The following CWC27 variants were observed in gnomAD, a reference collection of about 807,000 sequenced individuals.
The protein encoded by CWC27 is spliceosome-associated protein CWC27 homolog.
A neutral mutation model predicts 63.6 loss-of-function variants in CWC27; 47 were observed. That is an observed-to-expected ratio of 0.74 (90% CI 0.58 to 0.94). CWC27 has a LOEUF of 0.94. Among genes scored for constraint, CWC27 ranks in the 40% least tolerant of loss-of-function variants. CWC27 has a pLI of 0.00. For missense variants in CWC27, 495 were observed against 554.3 expected, an observed-to-expected ratio of 0.89 and a Z score of 1.07; for synonymous variants, 175 against 179.8, an observed-to-expected ratio of 0.97 and a Z score of 0.22.
intron 10 of CWC27, among the ~76,000 whole-genome samples, chr5:64,853,615 A>G (rs1469336992): frequency 6.6e-6 from 1 of 152,192 alleles, no homozygotes; most frequent in Non-Finnish European, 1.5e-5. Context: ...TGATATCAAC[A>G]TCTGCTTGGC....
chr5:64,997,393 C>A (rs1329767660), intron 13 of CWC27, among the ~76,000 whole-genome samples: 1 of 152,230 alleles, frequency 6.6e-6, no homozygotes, highest in Admixed American at 6.5e-5. Flanking sequence ...AGTATGGTGT[C>A]TGGAACAATC....
rs1449254450 is a variant in CWC27, at chr5:64,864,219, TG to T, written c.939-21223del. 5.4e-4 allele frequency among the ~76,000 whole-genome samples: 82 copies of T among 152,342 alleles called. 1 individual carries two copies. Among genetic ancestry groups the T allele is most frequent in the African/African-American group, 1.9e-3 (80 of 41,580 alleles). On this transcript the variant is annotated intron_variant, in intron 10 of 13. Coordinates refer to ENST00000381070, the MANE Select transcript of CWC27 (RefSeq NM_005869.4). The stretch of plus-strand genomic sequence containing the variant: ...CTCGTGGATTTTTATATTTTCAATA[TG>T]ATTACATAAATGATAGCCATTATTC...
At chr5:64,935,228 G>A (rs1333256371) in intron 11 of CWC27, among the ~76,000 whole-genome samples, 1 of 152,120 alleles carries the variant, frequency 6.6e-6, no homozygotes, top group Non-Finnish European at 1.5e-5. Flanking sequence ...AGGGTTTTAT[G>A]GTCCTAGGTT....
At chr5:64,814,363 A>G (rs938378175) in intron 10 of CWC27, among the ~76,000 whole-genome samples, 6 of 151,898 alleles carry the variant, frequency 4.0e-5, no homozygotes, top group African/African-American at 1.5e-4. Flanking sequence ...TGAAAACAAT[A>G]CCTAACCTAT....
At chr5:64,839,352 G>A (rs908661659) in intron 10 of CWC27, among the ~76,000 whole-genome samples, 6 of 152,182 alleles carry the variant, frequency 3.9e-5, no homozygotes, top group African/African-American at 1.4e-4. Context: ...GTATACAGAA[G>A]TATGTAATGG....
intron 11 of CWC27, among the ~76,000 whole-genome samples, chr5:64,890,266 G>A (rs1450652653): frequency 1.3e-5 from 2 of 152,134 alleles, no homozygotes; most frequent in African/African-American, 4.8e-5. Context: ...CTCTCAAGTT[G>A]CACTGGGTTA....
chr5:64,815,775 A>G (rs949952894), intron 10 of CWC27, among the ~76,000 whole-genome samples: 3 of 152,198 alleles, frequency 2.0e-5, no homozygotes, highest in African/African-American at 2.4e-5. Flanking sequence ...ATCAGTCTTT[A>G]CACCCAAGGG....
chr5:64,947,864 T>C (rs1748620065), intron 11 of CWC27, among the ~76,000 whole-genome samples: 1 of 152,060 alleles, frequency 6.6e-6, no homozygotes, highest in Admixed American at 6.6e-5. Context: ...ATTTTGGGCA[T>C]TATCAGTCAA....
rs371696896 is a variant in CWC27 at position 64,896,086 on chromosome 5, T to C, written c.1042+10540T>C. Among the ~76,000 whole-genome samples the C allele has an allele frequency of 1.0e-3, 153 of 152,334 alleles. 1 individual carries two copies. Among genetic ancestry groups the C allele is most frequent in the African/African-American group, 3.5e-3 (147 of 41,594 alleles). On this transcript the variant is annotated intron_variant, in intron 11 of 13. Coordinates refer to ENST00000381070, the MANE Select transcript of CWC27 (RefSeq NM_005869.4). ...AATAAATTCAGTCCTAGATGCATTATGATAATACATCAGAGCATTCAACAC... is the reference window on the plus strand; with the variant it reads ...AATAAATTCAGTCCTAGATGCATTACGATAATACATCAGAGCATTCAACAC...
Position 64,810,180 on chromosome 5 carries a change from C to T in CWC27, c.938+5794C>T, listed in dbSNP as rs530418395. Among the ~76,000 whole-genome samples the T allele has an allele frequency of 5.5e-4, 84 of 152,170 alleles. 2 individuals are homozygous for T. The highest frequency in any genetic ancestry group is 9.4e-4 in the Non-Finnish European group (64 of 67,996). On this transcript the variant is annotated intron_variant, in intron 10 of 13. Transcript: ENST00000381070. The stretch of plus-strand genomic sequence containing the variant: ...CTTTATATATTGTGTGTTCTTGACA[C>T]CTTTGTTGAAAATCAATTGACTGTA...
At chr5:65,004,909 T>TATAC (rs1402275240) in intron 13 of CWC27, among the ~76,000 whole-genome samples, 18 of 65,066 alleles carry the variant, frequency 2.8e-4, no homozygotes, top group South Asian at 1.9e-3. Flanking sequence ...TATATATACA[T>TATAC]ACACACACAC....
intron 11 of CWC27, among the ~76,000 whole-genome samples, chr5:64,930,081 C>T (rs1174778994): frequency 1.3e-5 from 2 of 152,062 alleles, no homozygotes; most frequent in African/African-American, 4.8e-5. Context: ...AGCTTAAAAA[C>T]ATTACTCTAC....
At chr5:64,873,094 A>G (rs192987575) in intron 10 of CWC27, among the ~76,000 whole-genome samples, 10 of 152,350 alleles carry the variant, frequency 6.6e-5, no homozygotes, top group Admixed American at 1.3e-4. Flanking sequence ...AAGAAAATAG[A>G]AACCCAAAAT....
At chr5:65,009,316 C>T (rs1749904364) in intron 13 of CWC27, among the ~76,000 whole-genome samples, 2 of 152,166 alleles carry the variant, frequency 1.3e-5, no homozygotes, top group Admixed American at 1.3e-4. Flanking sequence ...TCTCACCAGG[C>T]CCCACTTCCA....
intron 11 of CWC27, among the ~76,000 whole-genome samples, chr5:64,926,960 TA>T: frequency 6.6e-6 from 1 of 152,364 alleles, no homozygotes; most frequent in South Asian, 2.1e-4. Flanking sequence ...TAGAATTCTT[TA>T]AATAGTTATT....
At chr5:64,794,733 A>G (rs1744203134) in intron 7 of CWC27, among the ~76,000 whole-genome samples, 1 of 152,154 alleles carries the variant, frequency 6.6e-6, no homozygotes, top group African/African-American at 2.4e-5. Flanking sequence ...TTTATCTGGA[A>G]TATTGCTCCC....
chr5:64,840,388 AAAAAAAATATATATATATATATATATAT>A (rs1336919141), intron 10 of CWC27, among the ~76,000 whole-genome samples: 4,011 of 45,436 alleles, frequency 0.088, 405 homozygotes, highest in Non-Finnish European at 0.12. Flanking sequence ...AAAAAAAAAA[AAAAAAAATATATATATATATATATATAT>A]ATATATATAT....
chr5:64,807,662 T>C (rs1177613265), intron 10 of CWC27: 17 of 1,535,796 alleles, frequency 1.1e-5, no homozygotes, highest in Non-Finnish European at 1.2e-5. Flanking sequence ...CACAGGCATA[T>C]ACAAGCTGGT....
intron 10 of CWC27, among the ~76,000 whole-genome samples, chr5:64,828,898 T>C (rs1001579162): frequency 6.6e-6 from 1 of 151,726 alleles, no homozygotes; most frequent in African/African-American, 2.4e-5. Flanking sequence ...ATCAAAAGAG[T>C]ACATGCAAGC....
Sources: allele counts gnomAD v4.1 joint callset (sites outside exome capture counted in the v4.1 genomes callset), GRCh38; gene constraint gnomAD v4.1.1; transcripts MANE v1.5; gene names NCBI Gene and HGNC (gene_info 2026-07-23, HGNC 2026-07-21).